The following AP1S1 variants were observed in gnomAD, a reference collection of about 807,000 sequenced individuals.
The protein encoded by AP1S1 is AP-1 complex subunit sigma-1A.
In AP1S1, 13 loss-of-function variants were observed where a neutral mutation model predicts 23.9. The ratio of observed to expected loss-of-function variants is 0.54; its 90% CI spans 0.35 to 0.86. The LOEUF (loss-of-function observed/expected upper bound fraction) is 0.86, where lower values mean the gene tolerates loss of function less well. Among genes scored for constraint, AP1S1 ranks in the 40% least tolerant of loss-of-function variants. The pLI is 0.01. For synonymous variants in AP1S1, 84 were observed against 77.7 expected, an observed-to-expected ratio of 1.08 and a Z score of -0.43; for missense variants, 119 against 197.6, an observed-to-expected ratio of 0.60 and a Z score of 2.38.
intron 4 of AP1S1, chr7:101,159,409 C>T: frequency 1.6e-6 from 1 of 606,064 alleles, no homozygotes; most frequent in South Asian, 2.2e-5. Flanking sequence ...CACCTGTGCA[C>T]CCCTCATTCC....
In AP1S1 at chr7:101,157,412, G is replaced by T. The variant is rs976394102; in HGVS notation, c.218G>T (p.Gly73Val). ...CTCTACTTCTGCTGCGCCATCGAGG[G>T]CCAAGACAATGAGCTCATCACACTG... ...ASLYFCCAIE[G>V]QDNELITLEL... Residue 73 changes from glycine (G) to valine (V), a missense_variant, in exon 3 of 5, where the codon GGC becomes GTC. By Grantham distance (109) the Gly-to-Val change is moderately radical. Coordinates refer to ENST00000337619, the MANE Select transcript of AP1S1 (RefSeq NM_001283.5). 13 of 1,581,868 alleles carry T rather than the reference G, an allele frequency of 8.2e-6. No individual in the cohort carries two copies. The highest frequency in any genetic ancestry group is 2.3e-5 in the South Asian group (2 of 86,074).
chr7:101,160,391 T>G (rs565381708), intron 4 of AP1S1, 128 bp from the exon 5 acceptor site: 25 of 1,143,642 alleles, frequency 2.2e-5, no homozygotes, highest in Non-Finnish European at 2.8e-5. Context: ...TGGGCTCACA[T>G]TGGCTTCTCT....
rs1346695542 is a variant in AP1S1 at position 101,161,134 on chromosome 7, A to G, written c.*568A>G. 7.2e-6 allele frequency: 2 copies of G among 275,930 alleles called. No homozygotes were observed. Among genetic ancestry groups the G allele is most frequent in the South Asian group, 3.4e-5 (1 of 29,258 alleles). 17.1% of individuals were successfully genotyped at this position (275,930 alleles called of 1,614,324 possible). ...GGGAAGGAAGGGTTGGGGGAAGGGCAAGCTTTATGGGACCCTGGTCCTGGC... is the reference window on the plus strand; with the variant it reads ...GGGAAGGAAGGGTTGGGGGAAGGGCGAGCTTTATGGGACCCTGGTCCTGGC... On this transcript the variant is annotated 3_prime_UTR_variant, in exon 5 of 5. Transcript: ENST00000337619.
At chr7:101,156,480 ACC>A in intron 1 of AP1S1, 112 bp from the exon 2 acceptor site, 1 of 1,276,816 alleles carries the variant, frequency 7.8e-7, no homozygotes, top group Admixed American at 2.3e-5. Flanking sequence ...TGGTGGAAAC[ACC>A]CAGCCTTGAG....
At position 101,159,088 on chromosome 7, in the gene AP1S1, T is replaced by C. The variant is rs748325246; in HGVS notation, c.321T>C (p.Phe107=). The change falls in exon 4 of 5, where the codon TTT becomes TTC. Residue 107 remains phenylalanine (F), a synonymous_variant. Transcript: ENST00000337619. The part of the protein sequence containing the change: ...SVCELDIIFN[F]EKAYFILDEF... ...GCGAGCTGGACATCATCTTCAACTTTGAGAAGGCCTACTTCATCCTGGATG... is the reference window on the plus strand; with the variant it reads ...GCGAGCTGGACATCATCTTCAACTTCGAGAAGGCCTACTTCATCCTGGATG... The C allele has an allele frequency of 5.6e-6, 9 of 1,613,444 alleles. No homozygotes were observed. The highest frequency in any genetic ancestry group is 5.9e-6 in the Non-Finnish European group (7 of 1,179,730).
At chr7:101,158,699 C>T (rs749853956) in intron 3 of AP1S1, among the ~76,000 whole-genome samples, 24 of 152,158 alleles carry the variant, frequency 1.6e-4, no homozygotes, top group Admixed American at 1.4e-3. Context: ...GCCAGAAGTT[C>T]GAGACCAGCC....
At position 101,157,494 on chromosome 7, in the gene AP1S1, C is replaced by A. The variant is rs1227472701; in HGVS notation, c.291+9C>A. The A allele has an allele frequency of 1.3e-6, 2 of 1,537,386 alleles. No homozygotes were observed. The highest frequency in any genetic ancestry group is 1.7e-4 in the Middle Eastern group (1 of 5,962). On this transcript the variant is annotated intron_variant, in intron 3 of 4. Coordinates refer to ENST00000337619, the MANE Select transcript of AP1S1 (RefSeq NM_001283.5). ...ACAAATACTTTGGCAGTGTAAGTCT[C>A]CTCTGCCCACCAGTTTCCATTCCCA...
At chr7:101,156,883 C>G in intron 2 of AP1S1, 111 bp downstream of exon 2, 1 of 853,562 alleles carries the variant, frequency 1.2e-6, no homozygotes, top group Non-Finnish European at 1.6e-6. Context: ...CTGAGGACAT[C>G]TGGAGGACAG....
Position 101,160,855 on chromosome 7 carries a change from C to G in AP1S1, c.*289C>G. 1 of 643,458 alleles carries G rather than the reference C, an allele frequency of 1.6e-6. No homozygotes were observed. The allele number at this position is 643,458 out of a possible 1,614,324, so 39.9% of individuals were successfully genotyped here. On this transcript the variant is annotated 3_prime_UTR_variant, in exon 5 of 5. Transcript: ENST00000337619. ...TTCCCTGCCTTTGCAGAACTGATGT[C>G]ACCCCAGATGTCCTTCCCTCCCTAA...
At chr7:101,155,363 C>T (rs547977842) in intron 1 of AP1S1, among the ~76,000 whole-genome samples, 14 of 152,176 alleles carry the variant, frequency 9.2e-5, no homozygotes, top group African/African-American at 3.4e-4. Context: ...GCCCAGACCC[C>T]CCGGAACTGG....
intron 4 of AP1S1, 28 bp from the exon 5 acceptor site, chr7:101,160,491 C>CT (rs764792005): frequency 6.5e-5 from 105 of 1,609,182 alleles, no homozygotes; most frequent in Middle Eastern, 1.6e-4. Context: ...GGTGTCTCTG[C>CT]GTCACCCTCT....
At chr7:101,156,487 C>T in intron 1 of AP1S1, 107 bp from the exon 2 acceptor site, 1 of 1,348,068 alleles carries the variant, frequency 7.4e-7, no homozygotes, top group South Asian at 1.4e-5. Context: ...AACACCCAGC[C>T]TTGAGAGCAA....
intron 3 of AP1S1, 80 bp from the exon 4 acceptor site, chr7:101,158,979 A>G (rs1468715683): frequency 1.9e-6 from 3 of 1,562,958 alleles, no homozygotes; most frequent in Non-Finnish European, 1.7e-6. Context: ...GCAGAACCCA[A>G]GGTGGGAGGC....
intron 4 of AP1S1, chr7:101,159,455 G>C (rs766129599): frequency 1.0e-5 from 5 of 489,876 alleles, no homozygotes; most frequent in South Asian, 2.6e-5. Flanking sequence ...CAGATGTCTC[G>C]TGGCCACCCA....
intron 1 of AP1S1, among the ~76,000 whole-genome samples, chr7:101,156,019 C>T (rs771891930): frequency 5.9e-5 from 9 of 152,056 alleles, no homozygotes; most frequent in Non-Finnish European, 1.0e-4. Context: ...CACCTGAGGT[C>T]GGGAGTTCGA....
chr7:101,158,421 T>C (rs1289509388), intron 3 of AP1S1, among the ~76,000 whole-genome samples: 1 of 152,144 alleles, frequency 6.6e-6, no homozygotes, highest in African/African-American at 2.4e-5. Context: ...ACTCAAGTCT[T>C]CCACCCCATG....
intron 1 of AP1S1, chr7:101,155,162 AC>A: frequency 7.1e-6 from 3 of 420,116 alleles, no homozygotes; most frequent in Non-Finnish European, 9.4e-6. Context: ...CTTGCTCCCC[AC>A]CCCCCTATTT....
intron 2 of AP1S1, 112 bp from the exon 3 acceptor site, chr7:101,157,265 C>G (rs1326305427): frequency 2.7e-5 from 22 of 804,702 alleles, no homozygotes; most frequent in Non-Finnish European, 2.0e-6. Context: ...GGCCACCTCA[C>G]CTGTGGCCAG....
rs1294394611 is a variant in AP1S1 at position 101,154,495 on chromosome 7, G to A, written c.-20G>A. ...GCCTACGGTGGCCGAAGTGGGACGC[G>A]CCGAGCCGGAGGCTGCAGGATGGTA... On this transcript the variant is annotated 5_prime_UTR_variant, in exon 1 of 5. Transcript: ENST00000337619. The A allele has an allele frequency of 1.3e-6, 2 of 1,572,722 alleles. No individual in the cohort carries two copies. The highest frequency in any genetic ancestry group is 1.9e-5 in the Admixed American group (1 of 53,446).
Sources: allele counts gnomAD v4.1 joint callset (sites outside exome capture counted in the v4.1 genomes callset), GRCh38; gene constraint gnomAD v4.1.1; transcripts MANE v1.5; gene names NCBI Gene and HGNC (gene_info 2026-07-23, HGNC 2026-07-21).